ACACB: variants seen among roughly 807,000 people sequenced by gnomAD.
The protein encoded by ACACB is acetyl-CoA carboxylase beta.
ACACB carries 209 observed loss-of-function variants against 278.8 expected under a neutral mutation model. That is an observed-to-expected ratio of 0.75 (90% confidence interval 0.67 to 0.84). ACACB has a LOEUF of 0.84. ACACB is among the 40% of genes least tolerant of loss of function. The pLI is 0.00. For synonymous variants in ACACB, 1,174 were observed against 1,285.6 expected, an observed-to-expected ratio of 0.91 and a Z score of 1.86; for missense variants, 2,850 against 3,269.0, an observed-to-expected ratio of 0.87 and a Z score of 3.13.
chr12:109,259,277 T>G (rs143622600), intron 47 of ACACB, among the ~76,000 whole-genome samples, 169 bp downstream of exon 47: 138 of 152,152 alleles, frequency 9.1e-4, no homozygotes, highest in African/African-American at 2.8e-3. Flanking sequence ...TACCCCGTTT[T>G]AAAGATGAGG....
At chr12:109,205,582 T>C (rs1028914159) in intron 19 of ACACB, among the ~76,000 whole-genome samples, 4 of 151,974 alleles carry the variant, frequency 2.6e-5, no homozygotes, top group Non-Finnish European at 5.9e-5. Flanking sequence ...CTGGAGTAGC[T>C]CGGATTACAG....
intron 29 of ACACB, among the ~76,000 whole-genome samples, chr12:109,233,029 A>G (rs1208321050): frequency 6.6e-6 from 1 of 152,202 alleles, no homozygotes; most frequent in Non-Finnish European, 1.5e-5. Context: ...TAATAAGAGC[A>G]TCGTAGCCAA....
chr12:109,216,858 C>G lies in ACACB; in HGVS notation c.3502C>G (p.Leu1168Val). 1 of 1,614,114 alleles carries G rather than the reference C, an allele frequency of 6.2e-7. No individual in the cohort carries two copies. The highest frequency in any genetic ancestry group is 1.1e-5 in the South Asian group (1 of 91,084). The change falls in exon 24 of 53, where the codon CTG becomes GTG. Residue 1168 changes from leucine (L) to valine (V), a missense_variant. Physicochemically the swap from Leu to Val is conservative, Grantham distance 32 (BLOSUM62 1). Coordinates refer to ENST00000338432, the MANE Select transcript of ACACB (RefSeq NM_001093.4). ...GTTCAAGCCAGACATGTCCCAGGTG[C>G]TGGACTGCATCTTCTCCCACGCACA... is the stretch of plus-strand genomic sequence containing the variant. Reference protein sequence around the residue: ...EQFKPDMSQVLDCIFSHAQVA... With the variant: ...EQFKPDMSQVVDCIFSHAQVA...
At chr12:109,172,384 G>C (rs141617377) in intron 6 of ACACB, 28 bp downstream of exon 6, 3 of 1,604,148 alleles carry the variant, frequency 1.9e-6, no homozygotes, top group Non-Finnish European at 2.6e-6. Flanking sequence ...CAGATACATG[G>C]GAATTGGGGT....
intron 13 of ACACB, among the ~76,000 whole-genome samples, chr12:109,189,629 CA>C (rs1263903754): frequency 6.6e-6 from 1 of 152,212 alleles, no homozygotes; most frequent in African/African-American, 2.4e-5. Flanking sequence ...GAAACTGGGA[CA>C]AGTCACTCAC....
chr12:109,181,759 C>T (rs530172047), intron 11 of ACACB, among the ~76,000 whole-genome samples: 13 of 151,678 alleles, frequency 8.6e-5, no homozygotes, highest in Non-Finnish European at 1.6e-4. Flanking sequence ...TACTAATTTT[C>T]AGTCCTACCA....
rs1302910029 is a variant in ACACB, at chr12:109,264,305, C to T, written c.6861C>T (p.Leu2287=). ...GRLKAREDLL[L]PIYHQVAVQF... is the part of the protein sequence containing the mutation. ...TAAAGGCTCGCGAGGACCTGCTGCT[C>T]CCCATCTACCACCAGGTGGCGGTGC... is the stretch of plus-strand genomic sequence containing the variant. Residue 2287 remains leucine, a synonymous_variant, in exon 50 of 53, where the codon CTC becomes CTT. Coordinates refer to ENST00000338432, the MANE Select transcript of ACACB (RefSeq NM_001093.4). The T allele has an allele frequency of 1.2e-6, 2 of 1,614,030 alleles. No homozygotes were observed. Among genetic ancestry groups the T allele is most frequent in the Non-Finnish European group, 1.7e-6 (2 of 1,180,034 alleles).
chr12:109,245,686 G>C lies in ACACB; in HGVS notation c.5239G>C (p.Glu1747Gln). 1 of 1,614,104 alleles carries C rather than the reference G, an allele frequency of 6.2e-7. No homozygotes were observed. Among genetic ancestry groups the C allele is most frequent in the Non-Finnish European group, 8.5e-7 (1 of 1,179,966 alleles). Reference sequence around the variant, plus strand: ...TCCCAAAGACATCCTGACATACACTGAATTAGTGTTGGACTCTCAGGGCCA... The same window carrying C: ...TCCCAAAGACATCCTGACATACACTCAATTAGTGTTGGACTCTCAGGGCCA... ...KYPKDILTYTELVLDSQGQLV... is the reference protein window; with the variant it reads ...KYPKDILTYTQLVLDSQGQLV... Residue 1747 changes from glutamate to glutamine, a missense_variant, in exon 38 of 53, where the codon GAA becomes CAA. Physicochemically the swap from Glu to Gln is conservative, Grantham distance 29. Transcript: ENST00000338432.
intron 49 of ACACB, chr12:109,262,963 T>TATATATATATATATATATAC: frequency 8.3e-6 from 1 of 120,022 alleles, no homozygotes; most frequent in Non-Finnish European, 1.7e-5. Flanking sequence ...TATATATATA[T>TATATATATATATATATATAC]ATATATATAT....
At chr12:109,187,973 T>C in intron 12 of ACACB, 26 bp from the exon 13 acceptor site, 3 of 1,579,224 alleles carry the variant, frequency 1.9e-6, no homozygotes, top group Non-Finnish European at 2.6e-6. Flanking sequence ...ATTTCTTCCA[T>C]TTTGCATTTT....
At chr12:109,249,008 A>G (rs2047024853) in intron 40 of ACACB, 1 of 152,254 alleles carries the variant, frequency 6.6e-6, no homozygotes, top group Non-Finnish European at 1.5e-5. Context: ...CTGAACAGGC[A>G]GATATCTTTG....
Position 109,175,962 on chromosome 12 carries a change from G to A in ACACB, c.1248G>A (p.Leu416=), listed in dbSNP as rs1339211667. Residue 416 remains leucine (L), a synonymous_variant, in exon 8 of 53, where the codon CTG becomes CTA. Coordinates refer to ENST00000338432, the MANE Select transcript of ACACB (RefSeq NM_001093.4). The part of the protein sequence containing the change: ...GLTVEWTEDD[L]QQGKRISVPE... The stretch of plus-strand genomic sequence containing the variant: ...CAGTGGAGTGGACAGAAGATGATCT[G>A]CAGCAGGGAAAAAGAATCAGTGTCC... 6 of 1,614,138 alleles carry A rather than the reference G, an allele frequency of 3.7e-6. No individual in the cohort carries two copies. The highest frequency in any genetic ancestry group is 5.1e-6 in the Non-Finnish European group (6 of 1,180,014).
At position 109,166,493 on chromosome 12, in the gene ACACB, C is replaced by T. The variant is rs1034553517; in HGVS notation, c.654-368C>T. ...CATCAAGAGTTTGGACGAGCCTGGG[C>T]AACATAGTGAGACCCCATCTCTACA... is the stretch of plus-strand genomic sequence containing the variant. On this transcript the variant is annotated intron_variant, in intron 2 of 52. Transcript: ENST00000338432. 5.9e-5 allele frequency among the ~76,000 whole-genome samples: 9 copies of T among 151,546 alleles called. No homozygotes were observed. The East Asian group carries it at 1.7e-3, about 29-fold the overall frequency.
rs1266984186 is a variant in ACACB at position 109,235,487 on chromosome 12, T to A, written c.4404+118T>A. On this transcript the variant is annotated intron_variant, in intron 32 of 52. Transcript: ENST00000338432. The stretch of plus-strand genomic sequence containing the variant: ...AAGAGATCATTAGAAAGGAGAAGGA[T>A]TTCCAAATGATTCATTCTAGAAGTG... 3.5e-6 allele frequency: 5 copies of A among 1,422,498 alleles called. No individual in the cohort carries two copies. In the East Asian group the frequency reaches 6.8e-5, roughly 19 times the overall value. 88.1% of individuals were successfully genotyped at this position (1,422,498 alleles called of 1,614,324 possible).
chr12:109,232,871 C>A, intron 29 of ACACB, 65 bp downstream of exon 29: 1 of 1,586,938 alleles, frequency 6.3e-7, no homozygotes. Context: ...CCCTTGAATC[C>A]CCCCCCAATT....
In ACACB at chr12:109,254,232, C is replaced by T; in HGVS notation, c.6064C>T (p.Pro2022Ser). The T allele has an allele frequency of 1.2e-6, 2 of 1,613,824 alleles. No homozygotes were observed. The highest frequency in any genetic ancestry group is 1.7e-6 in the Non-Finnish European group (2 of 1,179,886). ...YMPKDNHSPV[P>S]IITPTDPIDR... is the part of the protein sequence containing the mutation. Reference sequence around the variant, plus strand: ...TTTTTAGGATAATCACAGCCCTGTCCCTATCATCACACCCACTGACCCCAT... The same window carrying T: ...TTTTTAGGATAATCACAGCCCTGTCTCTATCATCACACCCACTGACCCCAT... The change falls in exon 44 of 53, where the codon CCT becomes TCT. Residue 2022 changes from proline to serine, a missense_variant. By Grantham distance (74) the Pro-to-Ser change is moderately conservative. Around this residue, in one of 3 missense-constraint regions of ACACB, gnomAD observed 579 missense variants for 684.6 expected, o/e 0.85. Coordinates refer to ENST00000338432, the MANE Select transcript of ACACB (RefSeq NM_001093.4).
At chr12:109,252,966 A>G (rs1442956320) in intron 42 of ACACB, 49 bp from the exon 43 acceptor site, 14 of 1,438,430 alleles carry the variant, frequency 9.7e-6, no homozygotes, top group Non-Finnish European at 1.3e-5. Context: ...AACAGGTGGT[A>G]GAGCCCTGCA....
intron 9 of ACACB, among the ~76,000 whole-genome samples, chr12:109,176,610 T>C (rs1463876845): frequency 6.6e-6 from 1 of 152,210 alleles, no homozygotes; most frequent in Non-Finnish European, 1.5e-5. Context: ...CTAATGTTTC[T>C]AGATGGTCTA....
rs142693301 is a variant in ACACB, at chr12:109,149,842, C to A, written c.653+9784C>A. 4.9e-3 allele frequency among the ~76,000 whole-genome samples: 747 copies of A among 152,304 alleles called. 25 individuals carry two copies. The highest frequency in any genetic ancestry group is 0.043 in the Admixed American group (663 of 15,284). On this transcript the variant is annotated intron_variant, in intron 2 of 52. Coordinates refer to ENST00000338432, the MANE Select transcript of ACACB (RefSeq NM_001093.4). ...GAGACCAGGGCAAGGGGTCTGAGAG[C>A]CCACAGGCCAGGGCATTCCCCATCA...
Sources: gnomAD v4.1 joint callset for allele counts (sites outside exome capture counted in the v4.1 genomes callset) on GRCh38, gnomAD v4.1.1 for gene constraint, gnomAD v4.1.1 regional missense constraint, MANE v1.5 for transcripts, NCBI Gene and HGNC (gene_info 2026-07-23, HGNC 2026-07-21) for gene names.